Variants in CSMD1 observed in about 807,000 individuals in gnomAD.
The protein encoded by CSMD1 is CUB and Sushi multiple domains 1.
In CSMD1, 213 loss-of-function variants were observed where a neutral mutation model predicts 417.5. The observed-to-expected ratio is 0.51, with a 90% CI of 0.46 to 0.57. The LOEUF is 0.57. Among genes scored for constraint, CSMD1 ranks in the 20% least tolerant of loss-of-function variants. The pLI is 0.00. For synonymous variants in CSMD1, 2,862 were observed against 1,736.8 expected (o/e 1.65, Z -16.11); for missense variants, 6,923 against 4,529.7 (o/e 1.53, Z -15.17).
At chr8:4,283,017 T>C (rs1796872156) in intron 3 of CSMD1, among the ~76,000 whole-genome samples, 1 of 152,172 alleles carries the variant, frequency 6.6e-6, no homozygotes, top group Non-Finnish European at 1.5e-5. Flanking sequence ...ATTGTATCCC[T>C]TTGATTATAT....
At chr8:4,346,143 C>G (rs1191704276) in intron 3 of CSMD1, among the ~76,000 whole-genome samples, 2 of 152,160 alleles carry the variant, frequency 1.3e-5, no homozygotes, top group African/African-American at 2.4e-5. Context: ...CTACTCCAAA[C>G]TCTCCATGCT....
At chr8:4,767,189 A>T (rs566234348) in intron 1 of CSMD1, among the ~76,000 whole-genome samples, 1 of 152,220 alleles carries the variant, frequency 6.6e-6, no homozygotes, top group Non-Finnish European at 1.5e-5. Context: ...AAAAGCCCTT[A>T]GCTTATTGAA....
intron 17 of CSMD1, among the ~76,000 whole-genome samples, chr8:3,390,656 CTT>C (rs142121124): frequency 1.4e-5 from 2 of 147,384 alleles, no homozygotes; most frequent in South Asian, 2.1e-4. Context: ...ACAAACATTA[CTT>C]TTTTTTTTTC....
intron 26 of CSMD1, among the ~76,000 whole-genome samples, chr8:3,249,790 C>G (rs774657000): frequency 1.3e-5 from 2 of 151,992 alleles, no homozygotes; most frequent in Non-Finnish European, 2.9e-5. Flanking sequence ...CATGTCTAAA[C>G]TTCATTAGGG....
chr8:4,342,737 A>G (rs1466582261), intron 3 of CSMD1, among the ~76,000 whole-genome samples: 1 of 152,092 alleles, frequency 6.6e-6, no homozygotes, highest in Non-Finnish European at 1.5e-5. Flanking sequence ...TCCGCAGTAG[A>G]CAGGCTTGCA....
chr8:4,462,981 A>G (rs1019734469), intron 2 of CSMD1, among the ~76,000 whole-genome samples: 1 of 152,214 alleles, frequency 6.6e-6, no homozygotes, highest in Non-Finnish European at 1.5e-5. Flanking sequence ...TAAACTTTGT[A>G]TTTCAAAAAA....
chr8:4,512,804 C>A (rs1802895659), intron 2 of CSMD1, among the ~76,000 whole-genome samples: 1 of 145,932 alleles, frequency 6.9e-6, no homozygotes. Context: ...AGAGATAGCC[C>A]ATGTTCATGG....
chr8:4,020,123 T>C lies in CSMD1; in HGVS notation c.610+11782A>G, dbSNP rs114426551. ...AGAGTTTCTCTATGTGTCAGGCTCT[T>C]TGCTAACCATTTTACCTGGGTTATG... On this transcript the variant is annotated intron_variant, in intron 4 of 69. Coordinates refer to ENST00000635120, the MANE Select transcript of CSMD1 (RefSeq NM_033225.6). 7.5e-3 allele frequency among the ~76,000 whole-genome samples: 1,140 copies of C among 152,268 alleles called. 17 individuals carry two copies. Among genetic ancestry groups the C allele is most frequent in the African/African-American group, 0.025 (1,046 of 41,556 alleles).
intron 3 of CSMD1, among the ~76,000 whole-genome samples, chr8:4,392,568 T>A (rs143630225): frequency 6.6e-6 from 1 of 151,846 alleles, no homozygotes; most frequent in Non-Finnish European, 1.5e-5. Flanking sequence ...TATAAAAACT[T>A]GTGTAAATGG....
intron 3 of CSMD1, among the ~76,000 whole-genome samples, chr8:4,104,312 G>A (rs1421985257): frequency 1.3e-5 from 2 of 152,208 alleles, no homozygotes; most frequent in African/African-American, 2.4e-5. Context: ...AAGGATTGGT[G>A]TTCTCCACAT....
chr8:3,698,000 A>T (rs2407122), intron 7 of CSMD1, among the ~76,000 whole-genome samples: 1 of 151,930 alleles, frequency 6.6e-6, no homozygotes, highest in African/African-American at 2.4e-5. Context: ...AACCACCTGT[A>T]ATCCAATCAG....
chr8:4,338,616 T>A (rs765525717), intron 3 of CSMD1, among the ~76,000 whole-genome samples: 1 of 152,152 alleles, frequency 6.6e-6, no homozygotes, highest in Non-Finnish European at 1.5e-5. Flanking sequence ...AATTAAATCT[T>A]TAAATTAGGT....
At chr8:3,816,704 A>T (rs563660505) in intron 5 of CSMD1, among the ~76,000 whole-genome samples, 1 of 152,320 alleles carries the variant, frequency 6.6e-6, no homozygotes, top group South Asian at 2.1e-4. Context: ...TTTTACCTTT[A>T]CAAATCATGG....
chr8:4,566,567 G>A (rs1240055521), intron 2 of CSMD1, among the ~76,000 whole-genome samples: 2 of 149,936 alleles, frequency 1.3e-5, no homozygotes, highest in Admixed American at 1.3e-4. Flanking sequence ...GCAGGAGAGT[G>A]GCGTGAACCC....
At chr8:4,567,992 G>C (rs970227058) in intron 2 of CSMD1, among the ~76,000 whole-genome samples, 14 of 152,184 alleles carry the variant, frequency 9.2e-5, no homozygotes, top group Admixed American at 3.9e-4. Flanking sequence ...TTGAGTATCA[G>C]TGATTTTCAC....
At chr8:4,390,525 A>ATTTATTTATTTATTTAT (rs1803777435) in intron 3 of CSMD1, among the ~76,000 whole-genome samples, 1 of 150,608 alleles carries the variant, frequency 6.6e-6, no homozygotes, top group African/African-American at 2.4e-5. Context: ...TTATTTATTT[A>ATTTATTTATTTATTTAT]TTTTTTGAGA....
At chr8:4,446,483 G>C (rs1469846732) in intron 2 of CSMD1, among the ~76,000 whole-genome samples, 1 of 152,158 alleles carries the variant, frequency 6.6e-6, no homozygotes, top group African/African-American at 2.4e-5. Flanking sequence ...GGAGACTGAG[G>C]CTGCAGGGAT....
rs796948714 is a variant in CSMD1, at chr8:4,932,158, C to T, written c.85+62174G>A. Among the ~76,000 whole-genome samples the T allele has an allele frequency of 3.3e-5, 5 of 151,706 alleles. No homozygotes were observed. The South Asian group carries it at 8.3e-4, about 25-fold the overall frequency. ...CTGTTGCTTCTAGATAAATTGATTA[C>T]AGCAATAGAGATAGCTTTGCTATAA... On this transcript the variant is annotated intron_variant, in intron 1 of 69. Transcript: ENST00000635120.
chr8:4,066,008 G>T (rs957474533), intron 3 of CSMD1, among the ~76,000 whole-genome samples: 1 of 152,166 alleles, frequency 6.6e-6, no homozygotes, highest in African/African-American at 2.4e-5. Context: ...CCTTCTCCAC[G>T]AATATCCTTG....
Sources: allele counts gnomAD v4.1 joint callset (sites outside exome capture counted in the v4.1 genomes callset), GRCh38; gene constraint gnomAD v4.1.1; transcripts MANE v1.5; gene names NCBI Gene and HGNC (gene_info 2026-07-23, HGNC 2026-07-21).